The following BCAS3 variants were observed in gnomAD, a reference collection of about 807,000 sequenced individuals.
The protein encoded by BCAS3 is BCAS3 microtubule associated cell migration factor, also known as BCAS4/BCAS3 fusion.
A neutral mutation model predicts 116.1 loss-of-function variants in BCAS3; 53 were observed. The observed-to-expected ratio is 0.46, with a 90% CI of 0.37 to 0.57. The LOEUF is 0.57. BCAS3 is among the 20% of genes least tolerant of loss of function. BCAS3 has a pLI of 0.00. For synonymous variants in BCAS3, 391 were observed against 408.2 expected (o/e 0.96, Z 0.51); for missense variants, 917 against 1,165.4 (o/e 0.79, Z 3.10).
chr17:61,116,690 C>G (rs2075479878), intron 22 of BCAS3, among the ~76,000 whole-genome samples: 1 of 152,134 alleles, frequency 6.6e-6, no homozygotes, highest in Admixed American at 6.5e-5. Context: ...GCAACAAATT[C>G]TTAGTCTTCC....
Position 61,286,434 on chromosome 17 carries a change from A to G in BCAS3, c.2426-81893A>G, listed in dbSNP as rs898631556. ...GTTATTGGGAGGCTGGTAAATGGCC[A>G]GCAGGATAGAAATCCGACGTGGTGT... is the stretch of plus-strand genomic sequence containing the variant. On this transcript the variant is annotated intron_variant, in intron 22 of 23. Transcript: ENST00000407086. The surrounding 1 kb of genome is among the most constrained non-coding windows in gnomAD (Gnocchi z 4.8). Among the ~76,000 whole-genome samples, 11 of 152,212 alleles carry G rather than the reference A, an allele frequency of 7.2e-5. No individual in the cohort carries two copies. Among genetic ancestry groups the G allele is most frequent in the African/African-American group, 2.7e-4 (11 of 41,464 alleles).
At chr17:60,888,279 G>C (rs2056875397) in intron 9 of BCAS3, among the ~76,000 whole-genome samples, 1 of 152,154 alleles carries the variant, frequency 6.6e-6, no homozygotes, top group Non-Finnish European at 1.5e-5. Flanking sequence ...TTTTGTATTT[G>C]TGAGGTTAAA....
At chr17:61,107,603 C>T (rs148336167) in intron 22 of BCAS3, among the ~76,000 whole-genome samples, 8 of 152,262 alleles carry the variant, frequency 5.3e-5, no homozygotes, top group East Asian at 1.9e-4. Context: ...TTGAATTTTA[C>T]GATATGTGAC....
rs893961945 is a variant in BCAS3 at position 61,162,758 on chromosome 17, C to T, written c.2425+78194C>T. ...CCTCCTTGGGGAGGAGCAACGTCTCCAGCCGAGGCTGCAACCCGAGGAACC... is the reference window on the plus strand; with the variant it reads ...CCTCCTTGGGGAGGAGCAACGTCTCTAGCCGAGGCTGCAACCCGAGGAACC... On this transcript the variant is annotated intron_variant, in intron 22 of 23. Coordinates refer to ENST00000407086, the MANE Select transcript of BCAS3 (RefSeq NM_017679.5). The surrounding 1 kb of genome is among the most constrained non-coding windows in gnomAD (Gnocchi z 5.6). Among the ~76,000 whole-genome samples the T allele has an allele frequency of 6.6e-6, 1 of 152,158 alleles. No individual in the cohort carries two copies. The highest frequency in any genetic ancestry group is 6.5e-5 in the Admixed American group (1 of 15,278).
rs568014790 is a variant in BCAS3, at chr17:61,365,108, G to A, written c.2426-3219G>A. On this transcript the variant is annotated intron_variant, in intron 22 of 23. Coordinates refer to ENST00000407086, the MANE Select transcript of BCAS3 (RefSeq NM_017679.5). The surrounding 1 kb of genome is among the most constrained non-coding windows in gnomAD (Gnocchi z 4.6). ...ATTGTTTTTCCATTTTTATGGATGA[G>A]GAATCAGAGACGCATGCCTGGAATC... 1.3e-5 allele frequency among the ~76,000 whole-genome samples: 2 copies of A among 152,276 alleles called. No individual in the cohort carries two copies. The highest frequency in any genetic ancestry group is 4.1e-4 in the South Asian group (2 of 4,828).
chr17:60,826,499 G>A (rs1357601546), intron 7 of BCAS3, among the ~76,000 whole-genome samples: 2 of 152,156 alleles, frequency 1.3e-5, no homozygotes, highest in African/African-American at 2.4e-5. Context: ...TTTAGCATAT[G>A]AATTTTGGGG....
At chr17:60,848,077 A>G (rs2052691321) in intron 7 of BCAS3, among the ~76,000 whole-genome samples, 1 of 152,214 alleles carries the variant, frequency 6.6e-6, no homozygotes, top group Non-Finnish European at 1.5e-5. Context: ...CCTTTCCCCC[A>G]TTGAATAGAC....
intron 22 of BCAS3, among the ~76,000 whole-genome samples, chr17:61,311,672 A>G (rs1162842196): frequency 6.6e-6 from 1 of 152,186 alleles, no homozygotes; most frequent in Non-Finnish European, 1.5e-5. Flanking sequence ...AGGCGGGCAG[A>G]TAACGAGGTC....
intron 7 of BCAS3, among the ~76,000 whole-genome samples, chr17:60,815,069 A>G (rs1348908706): frequency 6.6e-6 from 1 of 152,226 alleles, no homozygotes; most frequent in Admixed American, 6.5e-5. Context: ...GATAGACTGG[A>G]TTAAGAAAAT....
rs961882865 is a variant in BCAS3, at chr17:61,333,110, T to C, written c.2426-35217T>C. The stretch of plus-strand genomic sequence containing the variant: ...TCTCATAGACCCCAGCAAGGTGCTT[T>C]CTCCCTGGACCCCACTCACACCTAT... On this transcript the variant is annotated intron_variant, in intron 22 of 23. Transcript: ENST00000407086. The surrounding 1 kb of genome is among the most constrained non-coding windows in gnomAD (Gnocchi z 4.8). Among the ~76,000 whole-genome samples the C allele has an allele frequency of 2.0e-5, 3 of 152,154 alleles. No individual in the cohort carries two copies. Among genetic ancestry groups the C allele is most frequent in the African/African-American group, 7.2e-5 (3 of 41,420 alleles).
At chr17:60,709,988 A>C (rs2037652130) in intron 5 of BCAS3, among the ~76,000 whole-genome samples, 1 of 152,086 alleles carries the variant, frequency 6.6e-6, no homozygotes. Context: ...GAGTGGGCTT[A>C]TTATTTTTAA....
At chr17:61,191,264 T>A (rs2079379493) in intron 22 of BCAS3, among the ~76,000 whole-genome samples, 1 of 152,046 alleles carries the variant, frequency 6.6e-6, no homozygotes, top group Admixed American at 6.6e-5. Flanking sequence ...AGACCCTGTT[T>A]CCAAAACAAA....
intron 5 of BCAS3, among the ~76,000 whole-genome samples, chr17:60,709,911 A>T (rs2037641552): frequency 6.6e-6 from 1 of 152,234 alleles, no homozygotes; most frequent in African/African-American, 2.4e-5. Context: ...TAAATACTGC[A>T]TATTTTGGCT....
In BCAS3 at chr17:61,132,803, CT is replaced by C. The variant is rs1191198171; in HGVS notation, c.2425+48241del. 3.3e-5 allele frequency among the ~76,000 whole-genome samples: 5 copies of C among 152,134 alleles called. No homozygotes were observed. The highest frequency in any genetic ancestry group is 7.4e-5 in the Non-Finnish European group (5 of 68,026). ...TATCCCCGTCAATGAGAAGAAGCTC[CT>C]TACCAGGTCTGTGTGGGTCACGGGG... On this transcript the variant is annotated intron_variant, in intron 22 of 23. Transcript: ENST00000407086. This position sits in a 1 kb window ranked among gnomAD's most constrained non-coding sequence, Gnocchi z 5.1.
intron 19 of BCAS3, among the ~76,000 whole-genome samples, chr17:61,043,486 TGATGA>T (rs998523837): frequency 7.2e-5 from 11 of 152,088 alleles, no homozygotes; most frequent in African/African-American, 2.2e-4. Context: ...TTTATAAGGC[TGATGA>T]GAAAAAATAA....
intron 6 of BCAS3, among the ~76,000 whole-genome samples, chr17:60,786,752 A>G (rs2046321749): frequency 6.6e-6 from 1 of 152,112 alleles, no homozygotes; most frequent in Non-Finnish European, 1.5e-5. Context: ...AGTTGTTCCA[A>G]GTGCTTATTC....
At chr17:61,305,800 G>T (rs2053807939) in intron 22 of BCAS3, among the ~76,000 whole-genome samples, 1 of 152,218 alleles carries the variant, frequency 6.6e-6, no homozygotes. Context: ...GGAGGCTGAG[G>T]CATGAGAATC....
chr17:61,351,864 C>T (rs777342031), intron 22 of BCAS3, among the ~76,000 whole-genome samples: 1 of 152,178 alleles, frequency 6.6e-6, no homozygotes, highest in Admixed American at 6.5e-5. Context: ...CTCCACCACT[C>T]GTTTCAGATA....
At chr17:61,202,863 AT>A (rs1176092438) in intron 22 of BCAS3, among the ~76,000 whole-genome samples, 2 of 152,234 alleles carry the variant, frequency 1.3e-5, no homozygotes, top group Non-Finnish European at 2.9e-5. Context: ...TATCTCATAG[AT>A]TAAGTCAATT....
Sources: gnomAD v4.1 joint callset for allele counts (sites outside exome capture counted in the v4.1 genomes callset) on GRCh38, gnomAD v4.1.1 for gene constraint, Gnocchi (gnomAD v3.1) non-coding constraint, MANE v1.5 for transcripts, NCBI Gene and HGNC (gene_info 2026-07-23, HGNC 2026-07-21) for gene names.